Variants in TOX2 observed in about 807,000 individuals in gnomAD.
TOX2 encodes granulosa cell HMG box 1.
Under a neutral mutation model 47.4 loss-of-function variants are expected in TOX2, and 15 were observed. That is an observed-to-expected ratio of 0.32 (90% CI 0.21 to 0.49). The LOEUF (loss-of-function observed/expected upper bound fraction) is 0.49. Ranked by LOEUF, TOX2 falls within the 20% of genes least tolerant of loss-of-function variation. The pLI is 0.99. For synonymous variants in TOX2, 290 were observed against 296.6 expected (o/e 0.98, Z 0.23); for missense variants, 622 against 673.1 (o/e 0.92, Z 0.84).
At chr20:43,941,747 G>A (rs1450065492) in intron 1 of TOX2, among the ~76,000 whole-genome samples, 1 of 152,208 alleles carries the variant, frequency 6.6e-6, no homozygotes, top group African/African-American at 2.4e-5. Flanking sequence ...ATGTTGCACA[G>A]GAAGAGCTCA....
intron 1 of TOX2, among the ~76,000 whole-genome samples, chr20:43,928,471 T>A (rs2069206743): frequency 1.3e-5 from 2 of 152,224 alleles, no homozygotes; most frequent in South Asian, 4.1e-4. Flanking sequence ...TTATTGCTGC[T>A]TTGGACGGAG....
At chr20:43,954,319 C>G (rs2069631059) in intron 1 of TOX2, among the ~76,000 whole-genome samples, 1 of 152,228 alleles carries the variant, frequency 6.6e-6, no homozygotes, top group Non-Finnish European at 1.5e-5. Flanking sequence ...TAATTGCTGC[C>G]TCTACAGAGA....
intron 2 of TOX2, among the ~76,000 whole-genome samples, chr20:44,003,521 T>C (rs1174913791): frequency 6.6e-6 from 1 of 152,198 alleles, no homozygotes; most frequent in Non-Finnish European, 1.5e-5. Flanking sequence ...TGCCAGGTCC[T>C]GACTGAGGCA....
intron 3 of TOX2, among the ~76,000 whole-genome samples, chr20:44,030,013 C>T (rs757909450): frequency 3.3e-5 from 5 of 152,128 alleles, no homozygotes; most frequent in Non-Finnish European, 4.4e-5. Flanking sequence ...TAGGACTCTC[C>T]CGATGCTCCA....
At chr20:43,953,536 G>T (rs974384705) in intron 1 of TOX2, among the ~76,000 whole-genome samples, 4 of 152,180 alleles carry the variant, frequency 2.6e-5, no homozygotes, top group Admixed American at 6.5e-5. Context: ...GGCTGATCCG[G>T]GTTGGTGTGT....
chr20:44,016,841 G>T (rs1017448043), intron 3 of TOX2, among the ~76,000 whole-genome samples: 1 of 152,164 alleles, frequency 6.6e-6, no homozygotes, highest in Non-Finnish European at 1.5e-5. Context: ...TGTGAGATGC[G>T]TGCCTCAACC....
chr20:44,036,415 T>C (rs973344225), intron 3 of TOX2, among the ~76,000 whole-genome samples: 3 of 152,202 alleles, frequency 2.0e-5, no homozygotes, highest in Admixed American at 6.5e-5. Context: ...CCAAATGACC[T>C]TGGGCACGTG....
Position 44,009,584 on chromosome 20 carries a change from T to C in TOX2, c.411+2792T>C, listed in dbSNP as rs576008945. Among the ~76,000 whole-genome samples, 29 of 152,342 alleles carry C rather than the reference T, an allele frequency of 1.9e-4. No homozygotes were observed. In the East Asian group the frequency reaches 4.6e-3, roughly 24 times the overall value. ...CTGAGGTTGCAATTTTTTGAATTTT[T>C]GCTATCAGACCTTGGCAATGAGCTT... On this transcript the variant is annotated intron_variant, in intron 3 of 8. Transcript: ENST00000341197.
intron 2 of TOX2, among the ~76,000 whole-genome samples, chr20:43,982,824 G>A (rs2070191701): frequency 6.8e-6 from 1 of 146,126 alleles, no homozygotes. Context: ...AATGGATGGG[G>A]CAGTGGAGAG....
At chr20:43,989,511 G>A (rs2070331186) in intron 2 of TOX2, among the ~76,000 whole-genome samples, 1 of 152,194 alleles carries the variant, frequency 6.6e-6, no homozygotes. Flanking sequence ...TAGGCACAGT[G>A]GCTCATGCCT....
At chr20:44,020,479 T>C (rs1158195894) in intron 3 of TOX2, among the ~76,000 whole-genome samples, 3 of 151,916 alleles carry the variant, frequency 2.0e-5, no homozygotes, top group Non-Finnish European at 4.4e-5. Flanking sequence ...AAAATAAAAA[T>C]AAAAATAAAA....
intron 1 of TOX2, among the ~76,000 whole-genome samples, chr20:43,920,441 C>T (rs1486175883): frequency 6.6e-6 from 1 of 152,194 alleles, no homozygotes; most frequent in Non-Finnish European, 1.5e-5. Flanking sequence ...CAGGTGGCTG[C>T]TAATGGGTCC....
intron 2 of TOX2, among the ~76,000 whole-genome samples, chr20:43,986,289 G>GTA (rs1569064931): frequency 2.8e-5 from 2 of 72,586 alleles, no homozygotes; most frequent in South Asian, 4.6e-4. Flanking sequence ...GTATGTATGT[G>GTA]TGTATTTTTT....
At chr20:44,013,937 C>T (rs190705044) in intron 3 of TOX2, among the ~76,000 whole-genome samples, 2 of 152,114 alleles carry the variant, frequency 1.3e-5, no homozygotes, top group Admixed American at 6.5e-5. Context: ...CAAGACCAGC[C>T]TGGCCAACAT....
intron 3 of TOX2, among the ~76,000 whole-genome samples, chr20:44,007,708 C>T (rs530702558): frequency 4.6e-5 from 7 of 152,196 alleles, no homozygotes; most frequent in African/African-American, 7.2e-5. Flanking sequence ...GGTGTGGTGG[C>T]ATGTACCTGT....
chr20:44,031,211 C>T (rs530368076), intron 3 of TOX2, among the ~76,000 whole-genome samples: 1 of 152,238 alleles, frequency 6.6e-6, no homozygotes, highest in East Asian at 1.9e-4. Context: ...AGCGCTGCTT[C>T]CTCCACTGTT....
intron 1 of TOX2, among the ~76,000 whole-genome samples, chr20:43,948,327 C>T (rs2069504689): frequency 6.6e-6 from 1 of 152,166 alleles, no homozygotes; most frequent in African/African-American, 2.4e-5. Flanking sequence ...TTCTTCATCC[C>T]CTTTGGACCT....
chr20:44,048,982 A>G (rs1176213610), intron 3 of TOX2, among the ~76,000 whole-genome samples: 2 of 152,200 alleles, frequency 1.3e-5, no homozygotes, highest in Non-Finnish European at 2.9e-5. Flanking sequence ...CTCTACTAAA[A>G]ATACAAAAAT....
intron 3 of TOX2, among the ~76,000 whole-genome samples, chr20:44,014,897 G>A (rs2070850619): frequency 3.9e-5 from 6 of 152,112 alleles, no homozygotes; most frequent in Admixed American, 3.9e-4. Flanking sequence ...AGGCATATTA[G>A]TTACACTTAG....
Sources: gnomAD v4.1 joint callset for allele counts (sites outside exome capture counted in the v4.1 genomes callset) on GRCh38, gnomAD v4.1.1 for gene constraint, MANE v1.5 for transcripts, NCBI Gene and HGNC (gene_info 2026-07-23, HGNC 2026-07-21) for gene names.